ZNF804B: variants seen among roughly 807,000 people sequenced by gnomAD.
ZNF804B encodes zinc finger 804B.
ZNF804B carries 80 observed loss-of-function variants against 101.4 expected under a neutral mutation model. The ratio of observed to expected loss-of-function variants is 0.79; its 90% CI spans 0.66 to 0.95. The LOEUF is 0.95. Among genes scored for constraint, ZNF804B ranks in the 40% least tolerant of loss-of-function variants. The probability of loss-of-function intolerance (pLI) is 0.00; values close to 1 mark genes in which losing one functional copy is unlikely to be tolerated. For missense variants in ZNF804B, 1,673 were observed against 1,561.9 expected, an observed-to-expected ratio of 1.07 and a Z score of -1.20; for synonymous variants, 622 against 558.8, an observed-to-expected ratio of 1.11 and a Z score of -1.59.
intron 1 of ZNF804B, among the ~76,000 whole-genome samples, chr7:89,099,585 T>C (rs1195803636): frequency 6.6e-6 from 1 of 152,104 alleles, no homozygotes; most frequent in African/African-American, 2.4e-5. Context: ...CAAACCACCA[T>C]AATGGAAATG....
In ZNF804B at chr7:89,335,473, A is replaced by G; in HGVS notation, c.2491A>G (p.Asn831Asp). The G allele has an allele frequency of 1.2e-6, 2 of 1,613,996 alleles. No homozygotes were observed. Among genetic ancestry groups the G allele is most frequent in the Non-Finnish European group, 1.7e-6 (2 of 1,179,952 alleles). ...KSTRIIYCDS[N>D]SQISCTGSSK... ...TACGAGAATCATCTATTGTGATTCT[A>G]ACTCACAGATTTCCTGTACTGGAAG... The change falls in exon 4 of 4, where the codon AAC becomes GAC. Residue 831 changes from asparagine (N) to aspartate (D), a missense_variant. By Grantham distance (23) the Asn-to-Asp change is conservative. Transcript: ENST00000333190.
In ZNF804B at chr7:89,286,196, C is replaced by T. The variant is rs144899088; in HGVS notation, c.250-41148C>T. 4.2e-3 allele frequency among the ~76,000 whole-genome samples: 646 copies of T among 152,138 alleles called. 5 individuals carry two copies. The highest frequency in any genetic ancestry group is 0.015 in the African/African-American group (617 of 41,494). ...AGTGTCTCTTCTGTAGCCTCTAAAT[C>T]GGGACTTTAGGACTTTATCATTAGG... On this transcript the variant is annotated intron_variant, in intron 2 of 3. Coordinates refer to ENST00000333190, the MANE Select transcript of ZNF804B (RefSeq NM_181646.5).
intron 2 of ZNF804B, among the ~76,000 whole-genome samples, chr7:89,325,273 T>C (rs1790880661): frequency 6.6e-6 from 1 of 151,964 alleles, no homozygotes; most frequent in Non-Finnish European, 1.5e-5. Flanking sequence ...CAAAATCTCT[T>C]CTTCCAGTTT....
chr7:89,330,476 T>G lies in ZNF804B; in HGVS notation c.381-2887T>G, dbSNP rs1790962537. Among the ~76,000 whole-genome samples the G allele has an allele frequency of 2.0e-5, 3 of 151,580 alleles. No individual in the cohort carries two copies. The South Asian group carries it at 6.2e-4, about 31-fold the overall frequency. On this transcript the variant is annotated intron_variant, in intron 3 of 3. Transcript: ENST00000333190. ...CATTGTATACCTTGAATATATACAATTTTTTTCCAGTTATATCTCAATAAA... is the reference window on the plus strand; with the variant it reads ...CATTGTATACCTTGAATATATACAAGTTTTTTCCAGTTATATCTCAATAAA...
At chr7:89,305,526 TTTGTTG>T (rs150451306) in intron 2 of ZNF804B, among the ~76,000 whole-genome samples, 1 of 151,780 alleles carries the variant, frequency 6.6e-6, no homozygotes, top group East Asian at 1.9e-4. Flanking sequence ...CTCAACATAG[TTTGTTG>T]TTGTTGTTGT....
At chr7:88,992,768 G>A (rs1365273789) in intron 1 of ZNF804B, among the ~76,000 whole-genome samples, 1 of 151,918 alleles carries the variant, frequency 6.6e-6, no homozygotes, top group Admixed American at 6.6e-5. Context: ...TTAGGATACA[G>A]AATCTTGGTG....
At chr7:89,243,198 T>A (rs1354113112) in intron 2 of ZNF804B, among the ~76,000 whole-genome samples, 1 of 151,744 alleles carries the variant, frequency 6.6e-6, no homozygotes, top group East Asian at 1.9e-4. Flanking sequence ...ATGGCCTTTA[T>A]GAGTAAACAT....
At chr7:88,819,562 A>G (rs1023443314) in intron 1 of ZNF804B, among the ~76,000 whole-genome samples, 1 of 152,126 alleles carries the variant, frequency 6.6e-6, no homozygotes, top group Admixed American at 6.6e-5. Context: ...CTCTTGGAAG[A>G]TATATACCCA....
intron 1 of ZNF804B, among the ~76,000 whole-genome samples, chr7:88,978,160 CT>C (rs1188255396): frequency 6.6e-6 from 1 of 151,500 alleles, no homozygotes; most frequent in Non-Finnish European, 1.5e-5. Flanking sequence ...TATGGCATAT[CT>C]TTGAGAATGA....
intron 1 of ZNF804B, among the ~76,000 whole-genome samples, chr7:88,881,613 C>A (rs1029096593): frequency 5.9e-4 from 90 of 152,254 alleles, no homozygotes; most frequent in African/African-American, 2.1e-3. Context: ...GCTACAGATT[C>A]TTTCCTTACA....
At chr7:89,205,332 G>T (rs1287953390) in intron 1 of ZNF804B, among the ~76,000 whole-genome samples, 1 of 152,014 alleles carries the variant, frequency 6.6e-6, no homozygotes, top group Non-Finnish European at 1.5e-5. Flanking sequence ...GCCTTCCACT[G>T]CCCCTCAAAG....
intron 2 of ZNF804B, among the ~76,000 whole-genome samples, chr7:89,248,915 C>G (rs527921146): frequency 1.3e-5 from 2 of 151,832 alleles, no homozygotes; most frequent in Admixed American, 1.3e-4. Flanking sequence ...GTAGCAGCAC[C>G]TATACTGTCA....
intron 1 of ZNF804B, among the ~76,000 whole-genome samples, chr7:89,058,213 T>C (rs1789325728): frequency 6.6e-6 from 1 of 152,086 alleles, no homozygotes. Context: ...AATAAAATAA[T>C]GTGTTGAAAT....
At chr7:88,911,204 G>A (rs929194307) in intron 1 of ZNF804B, among the ~76,000 whole-genome samples, 16 of 151,814 alleles carry the variant, frequency 1.1e-4, no homozygotes, top group African/African-American at 3.4e-4. Flanking sequence ...AAGTGCGAAA[G>A]GACATTTGCA....
At chr7:88,943,687 A>T (rs1793087500) in intron 1 of ZNF804B, among the ~76,000 whole-genome samples, 1 of 151,830 alleles carries the variant, frequency 6.6e-6, no homozygotes, top group Non-Finnish European at 1.5e-5. Context: ...TACAATGAAG[A>T]TATGCAACAT....
intron 2 of ZNF804B, among the ~76,000 whole-genome samples, chr7:89,295,082 T>C (rs1790360711): frequency 6.8e-6 from 1 of 146,674 alleles, no homozygotes. Flanking sequence ...CTTTGGGTGG[T>C]AGTTCAATAT....
At chr7:89,250,857 G>C (rs1243547416) in intron 2 of ZNF804B, among the ~76,000 whole-genome samples, 1 of 152,128 alleles carries the variant, frequency 6.6e-6, no homozygotes, top group Non-Finnish European at 1.5e-5. Flanking sequence ...CATCTCAATA[G>C]ACGTGAGAAA....
intron 1 of ZNF804B, among the ~76,000 whole-genome samples, chr7:89,006,578 A>G (rs1172183765): frequency 6.6e-6 from 1 of 152,062 alleles, no homozygotes; most frequent in East Asian, 1.9e-4. Flanking sequence ...TATATTTATC[A>G]TATTAATAAT....
intron 1 of ZNF804B, among the ~76,000 whole-genome samples, chr7:89,163,469 T>A (rs1050005141): frequency 6.6e-6 from 1 of 152,118 alleles, no homozygotes; most frequent in African/African-American, 2.4e-5. Context: ...AACAGATAAA[T>A]TATTAAAGAA....
Sources: allele counts gnomAD v4.1 joint callset (sites outside exome capture counted in the v4.1 genomes callset), GRCh38; gene constraint gnomAD v4.1.1; transcripts MANE v1.5; gene names NCBI Gene and HGNC (gene_info 2026-07-23, HGNC 2026-07-21).